IPO7: variants seen among roughly 807,000 people sequenced by gnomAD.
IPO7 encodes importin 7.
Under a neutral mutation model 136.4 loss-of-function variants are expected in IPO7, and 13 were observed. The observed-to-expected ratio is 0.10, with a 90% CI of 0.06 to 0.15. The LOEUF (loss-of-function observed/expected upper bound fraction) is 0.15, where lower values mean the gene tolerates loss of function less well. IPO7 is among the 10% of genes least tolerant of loss of function. IPO7 has a pLI of 1.00. For synonymous variants in IPO7, 403 were observed against 404.4 expected, an observed-to-expected ratio of 1.00 and a Z score of 0.04; for missense variants, 857 against 1,240.6, an observed-to-expected ratio of 0.69 and a Z score of 4.65.
rs755102841 is a variant in IPO7 at position 9,408,531 on chromosome 11, G to A, written c.212G>A (p.Arg71Gln). Reference protein sequence around the residue: ...KNMITQYWPDRETAPGDISPY... With the variant: ...KNMITQYWPDQETAPGDISPY... ...ATGATAACACAGTATTGGCCTGATCGAGAAACAGCACCAGGGGATATATCC... is the reference window on the plus strand; with the variant it reads ...ATGATAACACAGTATTGGCCTGATCAAGAAACAGCACCAGGGGATATATCC... The change falls in exon 3 of 25, where the codon CGA becomes CAA. Residue 71 changes from arginine to glutamine, a missense_variant. Physicochemically the swap from Arg to Gln is conservative, Grantham distance 43. Around this residue, in one of 11 missense-constraint regions of IPO7, gnomAD observed 287 missense variants for 307.5 expected, o/e 0.93. Transcript: ENST00000379719. 16 of 1,604,242 alleles carry A rather than the reference G, an allele frequency of 1.0e-5. No individual in the cohort carries two copies. In the South Asian group the frequency reaches 1.0e-4, roughly 10 times the overall value.
At chr11:9,396,849 T>C (rs924816673) in intron 1 of IPO7, among the ~76,000 whole-genome samples, 6 of 152,182 alleles carry the variant, frequency 3.9e-5, no homozygotes, top group African/African-American at 1.2e-4. Flanking sequence ...TGTTTCCACT[T>C]TTACAGTATT....
At position 9,445,084 on chromosome 11, in the gene IPO7, A is replaced by G. The variant is rs769211511; in HGVS notation, c.3020-13A>G. On this transcript the variant is annotated splice_polypyrimidine_tract_variant and intron_variant, in intron 24 of 24. Transcript: ENST00000379719. The stretch of plus-strand genomic sequence containing the variant: ...TGATTGAATGCCCTACTAAAATTTT[A>G]TTTGTTTTCTAGAATCCAAAATGAT... 1 of 1,570,356 alleles carries G rather than the reference A, an allele frequency of 6.4e-7. No individual in the cohort carries two copies. The highest frequency in any genetic ancestry group is 8.8e-7 in the Non-Finnish European group (1 of 1,140,652).
chr11:9,425,931 A>G lies in IPO7; in HGVS notation c.1335+669A>G, dbSNP rs541537240. Among the ~76,000 whole-genome samples the G allele has an allele frequency of 7.6e-4, 116 of 151,870 alleles. 2 individuals are homozygous for G. Among genetic ancestry groups the G allele is most frequent in the Non-Finnish European group, 3.2e-4 (22 of 67,942 alleles). On this transcript the variant is annotated intron_variant, in intron 12 of 24. Transcript: ENST00000379719. ...CATGGTGGTGGGCACCTGTAATCCC[A>G]GCTACTTAGGAGGCTGAGGCAGGAG... is the stretch of plus-strand genomic sequence containing the variant.
intron 1 of IPO7, among the ~76,000 whole-genome samples, chr11:9,391,272 G>T (rs987548893): frequency 1.8e-4 from 28 of 151,972 alleles, no homozygotes; most frequent in Non-Finnish European, 7.4e-5. Flanking sequence ...GGTGGTGGGT[G>T]CCTGTAATCC....
intron 8 of IPO7, among the ~76,000 whole-genome samples, chr11:9,422,695 C>G (rs913002361): frequency 6.6e-6 from 1 of 152,068 alleles, no homozygotes; most frequent in African/African-American, 2.4e-5. Flanking sequence ...CACCTGTAAT[C>G]CCAGCACTTT....
chr11:9,397,383 A>G (rs1394197080), intron 1 of IPO7, among the ~76,000 whole-genome samples: 4 of 102,546 alleles, frequency 3.9e-5, no homozygotes, highest in South Asian at 3.9e-4. Context: ...GCACGGTGGC[A>G]GGTGCCTGTA....
chr11:9,444,435 C>T (rs1489238511), intron 24 of IPO7, among the ~76,000 whole-genome samples: 1 of 151,676 alleles, frequency 6.6e-6, no homozygotes, highest in Non-Finnish European at 1.5e-5. Context: ...GCAATCTCGG[C>T]TCACTGCCAC....
Position 9,440,438 on chromosome 11 carries a change from A to G in IPO7, c.2696-17A>G. 1.3e-6 allele frequency: 2 copies of G among 1,587,198 alleles called. No individual in the cohort carries two copies. Among genetic ancestry groups the G allele is most frequent in the Non-Finnish European group, 1.7e-6 (2 of 1,155,708 alleles). ...ATATGTCATTGTTATAAAAGTACTTATATTATGACTTGGCAGAGGAACTGG... is the reference window on the plus strand; with the variant it reads ...ATATGTCATTGTTATAAAAGTACTTGTATTATGACTTGGCAGAGGAACTGG... On this transcript the variant is annotated splice_polypyrimidine_tract_variant and intron_variant, in intron 22 of 24. Coordinates refer to ENST00000379719, the MANE Select transcript of IPO7 (RefSeq NM_006391.3).
Position 9,436,868 on chromosome 11 carries a change from A to ATTTTTT in IPO7, c.2268+532_2268+537dup, listed in dbSNP as rs869227367. ...TATATATATATATATATATATATAT[A>ATTTTTT]TTTTTTTTTTTTTTTTTTTTTTTTT... On this transcript the variant is annotated intron_variant, in intron 20 of 24. Transcript: ENST00000379719. 2.2e-4 allele frequency among the ~76,000 whole-genome samples: 4 copies of ATTTTTT among 18,230 alleles called. 1 individual carries two copies. Among genetic ancestry groups the ATTTTTT allele is most frequent in the Non-Finnish European group, 3.6e-4 (4 of 11,164 alleles). 12.0% of individuals were successfully genotyped at this position (18,230 alleles called of 152,430 possible).
intron 6 of IPO7, among the ~76,000 whole-genome samples, chr11:9,417,426 C>A (rs1391929271): frequency 1.3e-5 from 2 of 152,032 alleles, no homozygotes; most frequent in African/African-American, 4.8e-5. Context: ...TGTTCCCTCT[C>A]AGTTCATAAA....
chr11:9,399,741 TGAG>T (rs1854766958), intron 1 of IPO7, among the ~76,000 whole-genome samples: 1 of 152,142 alleles, frequency 6.6e-6, no homozygotes, highest in Non-Finnish European at 1.5e-5. Context: ...TAAAGGAGCC[TGAG>T]AAGGAGAGAG....
chr11:9,409,603 C>T (rs777699302), intron 3 of IPO7, among the ~76,000 whole-genome samples: 2 of 152,058 alleles, frequency 1.3e-5, no homozygotes, highest in Non-Finnish European at 2.9e-5. Flanking sequence ...TGGTCTTGAT[C>T]CCTTGACCTT....
At chr11:9,434,008 A>G (rs570764300) in intron 18 of IPO7, among the ~76,000 whole-genome samples, 162 bp downstream of exon 18, 38 of 149,374 alleles carry the variant, frequency 2.5e-4, no homozygotes, top group Admixed American at 1.8e-3. Flanking sequence ...ATCGCAACCT[A>G]TGCCTCCTGG....
Position 9,433,643 on chromosome 11 carries a change from T to C in IPO7, c.1948+7T>C, listed in dbSNP as rs756818867. On this transcript the variant is annotated splice_region_variant and intron_variant, in intron 17 of 24. Coordinates refer to ENST00000379719, the MANE Select transcript of IPO7 (RefSeq NM_006391.3). Reference sequence around the variant, plus strand: ...TTACAACAGCATGTCTTAGGTATTATACCTCTGATTGTGCTAAGAATTTAG... The same window carrying C: ...TTACAACAGCATGTCTTAGGTATTACACCTCTGATTGTGCTAAGAATTTAG... 1.2e-6 allele frequency: 2 copies of C among 1,612,822 alleles called. No homozygotes were observed. The highest frequency in any genetic ancestry group is 1.7e-5 in the Admixed American group (1 of 60,014).
chr11:9,414,248 C>T lies in IPO7; in HGVS notation c.480-7C>T. On this transcript the variant is annotated splice_polypyrimidine_tract_variant and splice_region_variant and intron_variant, in intron 4 of 24. Transcript: ENST00000379719. ...CTTACAGAATTAGTTTGTATTCCTA[C>T]TCAAAGGTATAAAAAACCAGAGGAG... 1.3e-6 allele frequency: 2 copies of T among 1,599,900 alleles called. No homozygotes were observed. The highest frequency in any genetic ancestry group is 1.7e-6 in the Non-Finnish European group (2 of 1,173,336).
chr11:9,438,837 A>G (rs1237705918), intron 22 of IPO7, among the ~76,000 whole-genome samples: 3 of 152,220 alleles, frequency 2.0e-5, no homozygotes, highest in Admixed American at 2.0e-4. Context: ...CATTCTCAGC[A>G]CTGTAGATAC....
At chr11:9,440,778 A>G in intron 23 of IPO7, 117 bp downstream of exon 23, 1 of 761,426 alleles carries the variant, frequency 1.3e-6, no homozygotes, top group East Asian at 2.6e-5. Context: ...AAGGCTGGTT[A>G]GGCAAAGTAA....
At chr11:9,411,937 T>A (rs1176661686) in intron 4 of IPO7, among the ~76,000 whole-genome samples, 1 of 152,166 alleles carries the variant, frequency 6.6e-6, no homozygotes, top group Non-Finnish European at 1.5e-5. Context: ...TCTCTTAGGG[T>A]GGGTGATGGA....
At chr11:9,433,513 C>T in intron 16 of IPO7, 57 bp from the exon 17 acceptor site, 3 of 1,194,812 alleles carry the variant, frequency 2.5e-6, no homozygotes, top group Admixed American at 1.8e-5. Context: ...TATGCGTTGT[C>T]TTACTAAGTC....
Sources: allele counts gnomAD v4.1 joint callset (sites outside exome capture counted in the v4.1 genomes callset), GRCh38; gene constraint gnomAD v4.1.1; regional missense constraint gnomAD v4.1.1; transcripts MANE v1.5; gene names NCBI Gene and HGNC (gene_info 2026-07-23, HGNC 2026-07-21).